The following SLC71A1 variants were observed in gnomAD, a reference collection of about 807,000 sequenced individuals.
SLC71A1 encodes the protein solute carrier family 71 member 1, also known as hippocampus abundant gene transcript 1.
the SLC71A1 span, among the ~76,000 whole-genome samples, chr1:100,081,175 T>G: frequency 6.6e-6 from 1 of 152,208 alleles, no homozygotes; most frequent in Non-Finnish European, 1.5e-5. Flanking sequence ...AGAATGTTTG[T>G]GGGCTATACA....
the SLC71A1 span, among the ~76,000 whole-genome samples, chr1:100,049,063 C>T: frequency 1.3e-5 from 2 of 152,336 alleles, no homozygotes; most frequent in South Asian, 4.1e-4. Flanking sequence ...TTTATGCCCT[C>T]ATTTCTTGTT....
the SLC71A1 span, among the ~76,000 whole-genome samples, chr1:100,053,486 A>AT: frequency 6.6e-6 from 1 of 152,210 alleles, no homozygotes; most frequent in Admixed American, 6.5e-5. Flanking sequence ...TTTAATTTAT[A>AT]TTTTAAGTCA....
chr1:100,061,754 G>T, the SLC71A1 span: 2 of 880,122 alleles, frequency 2.3e-6, no homozygotes, highest in Non-Finnish European at 3.8e-6. Flanking sequence ...CTGCTCTTAC[G>T]CTTAATTAAC....
At chr1:100,071,448 GC>G in the SLC71A1 span, among the ~76,000 whole-genome samples, 1 of 152,038 alleles carries the variant, frequency 6.6e-6, no homozygotes, top group Non-Finnish European at 1.5e-5. Flanking sequence ...TCCAGTATGG[GC>G]AACAGAATGA....
chr1:100,050,608 A>G, the SLC71A1 span, among the ~76,000 whole-genome samples: 5 of 152,324 alleles, frequency 3.3e-5, no homozygotes, highest in Middle Eastern at 3.4e-3. Context: ...ATTATGATAA[A>G]TGTACAGTTT....
chr1:100,074,297 G>A, the SLC71A1 span, among the ~76,000 whole-genome samples: 6 of 152,254 alleles, frequency 3.9e-5, no homozygotes, highest in East Asian at 3.9e-4. Flanking sequence ...ATTCTTGGCC[G>A]GGCACGGTGG....
At chr1:100,038,454 G>A in the SLC71A1 span, 1 of 731,928 alleles carries the variant, frequency 1.4e-6, no homozygotes, top group Non-Finnish European at 2.3e-6. Context: ...GGTGCCTCGG[G>A]GTCGCGGACC....
chr1:100,062,250 CAA>C, the SLC71A1 span: 1 of 227,818 alleles, frequency 4.4e-6, no homozygotes, highest in African/African-American at 2.3e-5. Context: ...TTTAGTATGT[CAA>C]GAGTTAAAAA....
the SLC71A1 span, among the ~76,000 whole-genome samples, chr1:100,066,380 T>G: frequency 2.0e-5 from 3 of 152,230 alleles, no homozygotes; most frequent in East Asian, 5.8e-4. Flanking sequence ...GATTTTAGAC[T>G]CCTTTCACAG....
At chr1:100,071,541 A>C in the SLC71A1 span, among the ~76,000 whole-genome samples, 1 of 152,130 alleles carries the variant, frequency 6.6e-6, no homozygotes, top group African/African-American at 2.4e-5. Context: ...GATTAACCCA[A>C]CCTTGCAATA....
the SLC71A1 span, among the ~76,000 whole-genome samples, chr1:100,081,611 A>G: frequency 6.6e-6 from 1 of 152,188 alleles, no homozygotes; most frequent in African/African-American, 2.4e-5. Flanking sequence ...CCTGACCTCA[A>G]GTGATCTGCC....
At chr1:100,082,276 T>C in the SLC71A1 span, 2 of 1,181,840 alleles carry the variant, frequency 1.7e-6, no homozygotes, top group Admixed American at 3.8e-5. Flanking sequence ...GTTCTGGATG[T>C]ACATTCCATT....
chr1:100,061,600 G>T, the SLC71A1 span, among the ~76,000 whole-genome samples: 1 of 152,164 alleles, frequency 6.6e-6, no homozygotes, highest in Admixed American at 6.5e-5. Flanking sequence ...CTGAATACAT[G>T]ATCTAATTTT....
the SLC71A1 span, among the ~76,000 whole-genome samples, chr1:100,073,676 T>G: frequency 6.6e-6 from 1 of 152,230 alleles, no homozygotes; most frequent in Non-Finnish European, 1.5e-5. Context: ...GTCCGTGTGT[T>G]GATGGATACT....
At chr1:100,038,418 C>T in the SLC71A1 span, 2 of 938,792 alleles carry the variant, frequency 2.1e-6, no homozygotes, top group South Asian at 1.4e-5. Context: ...TGCCTCCCTC[C>T]CTTCCCCCAC....
the SLC71A1 span, chr1:100,068,528 T>A: frequency 1.2e-6 from 2 of 1,614,028 alleles, no homozygotes; most frequent in African/African-American, 1.3e-5. Context: ...ATTACAGTGT[T>A]TCTCTCCTAC....
chr1:100,041,190 T>A, the SLC71A1 span, among the ~76,000 whole-genome samples: 1 of 152,200 alleles, frequency 6.6e-6, no homozygotes, highest in Non-Finnish European at 1.5e-5. Context: ...AAGAAATAAA[T>A]CCTTCTAAAT....
the SLC71A1 span, chr1:100,068,488 G>A: frequency 8.7e-6 from 14 of 1,611,780 alleles, no homozygotes; most frequent in African/African-American, 1.3e-5. Context: ...AAAAAAAGTC[G>A]GCCAAGATTC....
At chr1:100,049,812 T>C in the SLC71A1 span, 3 of 653,052 alleles carry the variant, frequency 4.6e-6, no homozygotes, top group Non-Finnish European at 8.0e-6. Context: ...TATATGATCT[T>C]AATATTTGTT....
Sources: gnomAD v4.1 joint callset for allele counts (sites outside exome capture counted in the v4.1 genomes callset) on GRCh38, gnomAD v4.1.1 for gene constraint, MANE v1.5 for transcripts, NCBI Gene and HGNC (gene_info 2026-07-23, HGNC 2026-07-21) for gene names.